The following LGR4 variants were observed in gnomAD, a reference collection of about 807,000 sequenced individuals.
The protein encoded by LGR4 is leucine rich repeat containing G protein-coupled receptor 4, also known as leucine-rich repeat-containing G protein-coupled receptor 4.
In LGR4, 44 loss-of-function variants were observed where a neutral mutation model predicts 84.8. The ratio of observed to expected loss-of-function variants is 0.52; its 90% CI spans 0.41 to 0.67. The LOEUF (loss-of-function observed/expected upper bound fraction) is 0.67, where lower values mean the gene tolerates loss of function less well. Among genes scored for constraint, LGR4 ranks in the 30% least tolerant of loss-of-function variants. The pLI, the probability that LGR4 is intolerant of heterozygous loss-of-function variation, is 0.00. For missense variants in LGR4, 1,032 were observed against 1,131.4 expected, an observed-to-expected ratio of 0.91 and a Z score of 1.26; for synonymous variants, 429 against 434.3, an observed-to-expected ratio of 0.99 and a Z score of 0.15.
intron 4 of LGR4, among the ~76,000 whole-genome samples, chr11:27,385,977 T>G (rs945180139): frequency 6.6e-6 from 1 of 152,176 alleles, no homozygotes; most frequent in African/African-American, 2.4e-5. Flanking sequence ...AGAATCTAAA[T>G]AGATTTTCAA....
intron 2 of LGR4, among the ~76,000 whole-genome samples, chr11:27,398,953 C>T (rs1863443908): frequency 6.6e-6 from 1 of 152,124 alleles, no homozygotes; most frequent in Non-Finnish European, 1.5e-5. Flanking sequence ...GTTGCCCAGG[C>T]TGGAGTGCAA....
At chr11:27,399,691 T>G (rs1436404951) in intron 2 of LGR4, among the ~76,000 whole-genome samples, 1 of 152,028 alleles carries the variant, frequency 6.6e-6, no homozygotes, top group Non-Finnish European at 1.5e-5. Context: ...AGCTAATTTT[T>G]GTACTTTTAG....
At chr11:27,418,301 C>T (rs928617962) in intron 1 of LGR4, among the ~76,000 whole-genome samples, 3 of 152,102 alleles carry the variant, frequency 2.0e-5, no homozygotes, top group African/African-American at 7.2e-5. Context: ...TTTATACGGC[C>T]GCAGAAATGC....
chr11:27,403,832 T>C (rs951795249), intron 2 of LGR4, among the ~76,000 whole-genome samples: 12 of 152,224 alleles, frequency 7.9e-5, no homozygotes, highest in African/African-American at 2.4e-4. Flanking sequence ...TAAGCATTTT[T>C]ATAACTATGA....
intron 1 of LGR4, among the ~76,000 whole-genome samples, chr11:27,457,737 A>G (rs928711470): frequency 6.6e-6 from 1 of 152,230 alleles, no homozygotes; most frequent in Non-Finnish European, 1.5e-5. Context: ...TTTATTTATA[A>G]TAGCCAAAAA....
chr11:27,376,255 T>C, intron 13 of LGR4, 44 bp downstream of exon 13: 1 of 1,125,874 alleles, frequency 8.9e-7, no homozygotes, highest in Non-Finnish European at 1.3e-6. Flanking sequence ...ATTAACATAG[T>C]TTGGAAAAAA....
intron 1 of LGR4, among the ~76,000 whole-genome samples, chr11:27,429,090 A>G (rs1015575686): frequency 1.3e-5 from 2 of 152,190 alleles, no homozygotes; most frequent in Non-Finnish European, 2.9e-5. Context: ...GGCAACACGG[A>G]GCATTAAAAC....
intron 13 of LGR4, among the ~76,000 whole-genome samples, chr11:27,374,349 C>T (rs528058081): frequency 2.6e-5 from 4 of 152,194 alleles, no homozygotes; most frequent in South Asian, 2.1e-4. Context: ...TATGATATAA[C>T]CTTTGGTACT....
Position 27,468,500 on chromosome 11 carries a change from G to A in LGR4, c.185+3618C>T, listed in dbSNP as rs891061936. ...AAAGAACTCCTCCAAGTAATAAAGA[G>A]GGTGGTGTGAGCTCAACTAAAAGGA... On this transcript the variant is annotated intron_variant, in intron 1 of 17. Transcript: ENST00000379214. 3.3e-5 allele frequency among the ~76,000 whole-genome samples: 5 copies of A among 152,178 alleles called. No homozygotes were observed. In the East Asian group the frequency reaches 7.7e-4, roughly 23 times the overall value.
chr11:27,456,317 A>AAT (rs35177044), intron 1 of LGR4, among the ~76,000 whole-genome samples: 1 of 151,804 alleles, frequency 6.6e-6, no homozygotes, highest in African/African-American at 2.4e-5. Context: ...TCACACCATC[A>AAT]ACACACAGTG....
chr11:27,400,947 C>T (rs867556538), intron 2 of LGR4, among the ~76,000 whole-genome samples: 3 of 152,322 alleles, frequency 2.0e-5, no homozygotes, highest in East Asian at 1.9e-4. Flanking sequence ...TAAGAAAGCA[C>T]ATCAGAACAG....
chr11:27,392,381 A>G, intron 3 of LGR4, 66 bp downstream of exon 3: 1 of 1,262,278 alleles, frequency 7.9e-7, no homozygotes, highest in Non-Finnish European at 1.1e-6. Flanking sequence ...CCTAGTTCCA[A>G]GCATGTTGAC....
intron 1 of LGR4, among the ~76,000 whole-genome samples, chr11:27,438,146 A>G (rs1864244191): frequency 1.3e-5 from 2 of 152,210 alleles, no homozygotes; most frequent in South Asian, 4.1e-4. Flanking sequence ...CACAACCAGA[A>G]TCAAGACCCA....
At chr11:27,433,782 G>A (rs1298771532) in intron 1 of LGR4, among the ~76,000 whole-genome samples, 1 of 152,188 alleles carries the variant, frequency 6.6e-6, no homozygotes, top group Non-Finnish European at 1.5e-5. Flanking sequence ...GCACAGTGTG[G>A]TGGTTCAACT....
chr11:27,398,205 G>T (rs16916967), intron 2 of LGR4, among the ~76,000 whole-genome samples: 4 of 152,150 alleles, frequency 2.6e-5, no homozygotes, highest in African/African-American at 9.7e-5. Flanking sequence ...GAAAATGCAG[G>T]AACTGCGCTG....
intron 2 of LGR4, among the ~76,000 whole-genome samples, chr11:27,409,570 T>C (rs139265055): frequency 1.3e-5 from 2 of 152,244 alleles, no homozygotes; most frequent in East Asian, 3.9e-4. Flanking sequence ...GTCTCATTCC[T>C]ATCACTCCCC....
At chr11:27,432,926 G>A (rs929446031) in intron 1 of LGR4, among the ~76,000 whole-genome samples, 2 of 152,208 alleles carry the variant, frequency 1.3e-5, no homozygotes, top group Non-Finnish European at 2.9e-5. Flanking sequence ...TGAGTAGTCT[G>A]TAAACTGTTA....
intron 1 of LGR4, among the ~76,000 whole-genome samples, chr11:27,445,234 C>G (rs1328849038): frequency 6.6e-6 from 1 of 152,080 alleles, no homozygotes; most frequent in African/African-American, 2.4e-5. Flanking sequence ...TCCACCAAAC[C>G]CTATCACCTA....
intron 1 of LGR4, among the ~76,000 whole-genome samples, chr11:27,416,279 G>A (rs1388594527): frequency 6.6e-6 from 1 of 152,146 alleles, no homozygotes; most frequent in East Asian, 1.9e-4. Flanking sequence ...ACAGACCAAG[G>A]TTTACATATG....
Sources: allele counts gnomAD v4.1 joint callset (sites outside exome capture counted in the v4.1 genomes callset), GRCh38; gene constraint gnomAD v4.1.1; transcripts MANE v1.5; gene names NCBI Gene and HGNC (gene_info 2026-07-23, HGNC 2026-07-21).